CHST8: variants seen among roughly 807,000 people sequenced by gnomAD.
CHST8 encodes the protein GALNAC-4-ST1.
A neutral mutation model predicts 15.0 loss-of-function variants in CHST8; 10 were observed. That is an observed-to-expected ratio of 0.67 (90% CI 0.41 to 1.13). The LOEUF (loss-of-function observed/expected upper bound fraction) is 1.13. Among genes scored for constraint, CHST8 ranks in the 50% most tolerant of loss-of-function variants. The pLI is 0.00. For missense variants in CHST8, 634 were observed against 608.2 expected, an observed-to-expected ratio of 1.04 and a Z score of -0.45; for synonymous variants, 259 against 256.6, an observed-to-expected ratio of 1.01 and a Z score of -0.09.
intron 1 of CHST8, among the ~76,000 whole-genome samples, chr19:33,622,605 C>T (rs565486996): frequency 3.9e-5 from 6 of 152,272 alleles, no homozygotes; most frequent in Admixed American, 1.3e-4. Flanking sequence ...GACTCCCGCT[C>T]CGCCTCCTGG....
At chr19:33,691,063 C>A (rs1489375015) in intron 3 of CHST8, among the ~76,000 whole-genome samples, 1 of 152,222 alleles carries the variant, frequency 6.6e-6, no homozygotes, top group Non-Finnish European at 1.5e-5. Context: ...ATCGGTGGGA[C>A]ACTCCTGGAT....
intron 3 of CHST8, among the ~76,000 whole-genome samples, chr19:33,742,353 C>T (rs554136328): frequency 1.3e-5 from 2 of 152,280 alleles, no homozygotes; most frequent in African/African-American, 4.8e-5. Context: ...GCTGTACAAG[C>T]GTGGCACCAA....
At chr19:33,757,542 A>C (rs55859152) in intron 3 of CHST8, among the ~76,000 whole-genome samples, 1 of 95,036 alleles carries the variant, frequency 1.1e-5, no homozygotes, top group African/African-American at 4.3e-5. Flanking sequence ...GAAAGAAAGA[A>C]AGAAAGAAAG....
intron 1 of CHST8, among the ~76,000 whole-genome samples, chr19:33,625,535 A>G (rs1044284505): frequency 6.6e-6 from 1 of 152,204 alleles, no homozygotes; most frequent in African/African-American, 2.4e-5. Flanking sequence ...CGGCAGTGGC[A>G]CAGCAAAAAA....
chr19:33,714,659 T>G (rs1320625960), intron 3 of CHST8, among the ~76,000 whole-genome samples: 1 of 152,244 alleles, frequency 6.6e-6, no homozygotes, highest in Non-Finnish European at 1.5e-5. Flanking sequence ...TTCCCACATG[T>G]CCTGGGAGGG....
intron 1 of CHST8, among the ~76,000 whole-genome samples, chr19:33,647,878 A>G (rs1972374182): frequency 6.6e-6 from 1 of 152,132 alleles, no homozygotes; most frequent in African/African-American, 2.4e-5. Context: ...AAAATAAAAA[A>G]GAAATGAGAA....
intron 3 of CHST8, among the ~76,000 whole-genome samples, chr19:33,704,190 T>C (rs973832684): frequency 1.3e-5 from 2 of 152,202 alleles, no homozygotes; most frequent in African/African-American, 4.8e-5. Flanking sequence ...TGATGATCCG[T>C]GAGCCCCTCA....
intron 3 of CHST8, among the ~76,000 whole-genome samples, chr19:33,748,152 G>A (rs1404855872): frequency 1.3e-5 from 2 of 152,200 alleles, no homozygotes; most frequent in Non-Finnish European, 2.9e-5. Context: ...CTGATCCACG[G>A]CATCTAGGGC....
chr19:33,699,992 C>T (rs1212391131), intron 3 of CHST8, among the ~76,000 whole-genome samples: 3 of 152,232 alleles, frequency 2.0e-5, no homozygotes, highest in African/African-American at 7.2e-5. Flanking sequence ...CCACCCCTAC[C>T]TGCTCTCTCT....
chr19:33,755,569 G>C (rs1974529608), intron 3 of CHST8, among the ~76,000 whole-genome samples: 1 of 152,238 alleles, frequency 6.6e-6, no homozygotes, highest in African/African-American at 2.4e-5. Flanking sequence ...CCACGCGCAG[G>C]CGTGAAAGAC....
At chr19:33,697,199 A>G (rs184391236) in intron 3 of CHST8, among the ~76,000 whole-genome samples, 1 of 151,854 alleles carries the variant, frequency 6.6e-6, no homozygotes, top group East Asian at 1.9e-4. Context: ...TGATGGGATT[A>G]TTTGTTTTTC....
intron 1 of CHST8, among the ~76,000 whole-genome samples, chr19:33,665,872 C>CTTG (rs1972651221): frequency 1.3e-5 from 2 of 152,316 alleles, no homozygotes; most frequent in African/African-American, 4.8e-5. Flanking sequence ...GCCCACCCAG[C>CTTG]TCTGGGCAGG....
intron 3 of CHST8, among the ~76,000 whole-genome samples, chr19:33,764,823 G>GT (rs1179274022): frequency 6.6e-6 from 1 of 152,004 alleles, no homozygotes; most frequent in African/African-American, 2.4e-5. Flanking sequence ...ACAATTTGTA[G>GT]TTTTTTATCC....
chr19:33,765,884 T>A (rs1974830388), intron 3 of CHST8, among the ~76,000 whole-genome samples: 1 of 152,120 alleles, frequency 6.6e-6, no homozygotes, highest in Non-Finnish European at 1.5e-5. Flanking sequence ...TAGATGTGAT[T>A]TGCTGTAAAA....
intron 3 of CHST8, among the ~76,000 whole-genome samples, chr19:33,770,239 G>C (rs951376005): frequency 1.3e-5 from 2 of 152,190 alleles, no homozygotes; most frequent in African/African-American, 2.4e-5. Flanking sequence ...CCAGGAAAGT[G>C]GTGGGACACT....
Position 33,670,506 on chromosome 19 carries a change from A to G in CHST8, c.-87+2663A>G, listed in dbSNP as rs534197278. Among the ~76,000 whole-genome samples, 14 of 152,318 alleles carry G rather than the reference A, an allele frequency of 9.2e-5. No homozygotes were observed. The South Asian group carries it at 1.7e-3, about 18-fold the overall frequency. ...AACCCCATCACCTGTCCTGACACAC[A>G]CCAGCAGTGGTAGCCCAGGGCCAGC... is the stretch of plus-strand genomic sequence containing the variant. On this transcript the variant is annotated intron_variant, in intron 2 of 4. Transcript: ENST00000650847.
At chr19:33,704,879 A>G (rs2145284249) in intron 3 of CHST8, among the ~76,000 whole-genome samples, 1 of 151,376 alleles carries the variant, frequency 6.6e-6, no homozygotes, top group Non-Finnish European at 1.5e-5. Context: ...ACTACATTCC[A>G]GCTTGGGCGA....
chr19:33,679,865 C>CCT lies in CHST8; in HGVS notation c.-86-9308_-86-9307dup, dbSNP rs571018396. On this transcript the variant is annotated intron_variant, in intron 2 of 4. Coordinates refer to ENST00000650847, the MANE Select transcript of CHST8 (RefSeq NM_001127895.2). ...TGGGGACTGTGTGATCAGCAGCCAG[C>CCT]CTCTAGTCCTCAACTCCACGAGGGG... Among the ~76,000 whole-genome samples, 3 of 152,348 alleles carry CCT rather than the reference C, an allele frequency of 2.0e-5. No homozygotes were observed. The South Asian group carries it at 6.2e-4, about 32-fold the overall frequency.
intron 3 of CHST8, among the ~76,000 whole-genome samples, chr19:33,748,679 G>A (rs375998962): frequency 6.6e-5 from 10 of 152,312 alleles, no homozygotes; most frequent in East Asian, 3.9e-4. Context: ...TGCAGGAGAC[G>A]CACACAGCCT....
Sources: allele counts gnomAD v4.1 joint callset (sites outside exome capture counted in the v4.1 genomes callset), GRCh38; gene constraint gnomAD v4.1.1; transcripts MANE v1.5; gene names NCBI Gene and HGNC (gene_info 2026-07-23, HGNC 2026-07-21).